Variants in SPATA21 observed in about 807,000 individuals in gnomAD.
SPATA21 encodes the protein spermatogenesis-associated protein 21.
SPATA21 carries 47 observed loss-of-function variants against 54.8 expected under a neutral mutation model. The observed-to-expected ratio is 0.86, with a 90% CI of 0.68 to 1.09. The LOEUF (loss-of-function observed/expected upper bound fraction) is 1.09. Ranked by LOEUF, SPATA21 falls within the 50% of genes least tolerant of loss-of-function variation. SPATA21 has a pLI of 0.00. For synonymous variants in SPATA21, 245 were observed against 235.3 expected (o/e 1.04, Z -0.38); for missense variants, 599 against 596.4 (o/e 1.00, Z -0.05).
intron 3 of SPATA21, chr1:16,425,426 T>A (rs1193405735): frequency 1.5e-5 from 20 of 1,317,350 alleles, no homozygotes; most frequent in Non-Finnish European, 2.0e-5. Context: ...GGACTACAGA[T>A]ACATGCACCA....
At chr1:16,420,936 C>T (rs1478368384) in intron 5 of SPATA21, among the ~76,000 whole-genome samples, 1 of 152,130 alleles carries the variant, frequency 6.6e-6, no homozygotes, top group African/African-American at 2.4e-5. Context: ...GGATGTTCTC[C>T]AACCGCATTA....
chr1:16,416,399 C>T (rs1217590839), intron 5 of SPATA21, among the ~76,000 whole-genome samples: 5 of 151,704 alleles, frequency 3.3e-5, no homozygotes, highest in Non-Finnish European at 7.4e-5. Flanking sequence ...TGGTGGGGGC[C>T]GGGCACGGTG....
intron 5 of SPATA21, among the ~76,000 whole-genome samples, chr1:16,414,664 G>A (rs2085945927): frequency 6.6e-6 from 1 of 152,010 alleles, no homozygotes; most frequent in Non-Finnish European, 1.5e-5. Context: ...GGAGGCTGAG[G>A]CAGGCAGATC....
At chr1:16,412,179 C>T (rs1040890805) in intron 5 of SPATA21, among the ~76,000 whole-genome samples, 5 of 152,160 alleles carry the variant, frequency 3.3e-5, no homozygotes, top group Non-Finnish European at 5.9e-5. Flanking sequence ...CTCAGTCCTT[C>T]CCCTGCTCTG....
At chr1:16,427,881 C>A in intron 3 of SPATA21, 1 of 1,549,208 alleles carries the variant, frequency 6.5e-7, no homozygotes, top group Non-Finnish European at 8.7e-7. Context: ...TTGCTGGAGG[C>A]CCCTGCTCCT....
rs760511600 is a variant in SPATA21 at position 16,403,837 on chromosome 1, G to A, written c.891C>T (p.Asn297=). 1.2e-5 allele frequency: 20 copies of A among 1,609,780 alleles called. No individual in the cohort carries two copies. In the East Asian group the frequency reaches 1.6e-4, roughly 13 times the overall value. The part of the protein sequence containing the change: ...TRRFFCSVEQ[N]ALSDMAPHNP... ...TGTGGGGAGCCATGTCCGACAGGGC[G>A]TTCTGTTCTGGAGACATGGGATAGT... The change falls in exon 10 of 13, where the codon AAC becomes AAT. Residue 297 remains asparagine (N), a synonymous_variant. Transcript: ENST00000335496.
At chr1:16,399,589 C>G in intron 11 of SPATA21, 68 bp from the exon 12 acceptor site, 1 of 1,527,088 alleles carries the variant, frequency 6.5e-7, no homozygotes, top group Non-Finnish European at 8.8e-7. Flanking sequence ...CAGGCAGATT[C>G]AAGTGAAATC....
At chr1:16,415,134 C>T (rs1249960809) in intron 5 of SPATA21, among the ~76,000 whole-genome samples, 2 of 151,926 alleles carry the variant, frequency 1.3e-5, no homozygotes, top group South Asian at 2.1e-4. Context: ...CTCAGGAGTT[C>T]GAGAAGAGCC....
chr1:16,409,402 G>A lies in SPATA21; in HGVS notation c.587+199C>T, dbSNP rs1336510841. 6.6e-6 allele frequency among the ~76,000 whole-genome samples: 1 copy of A among 152,172 alleles called. No individual in the cohort carries two copies. The highest frequency in any genetic ancestry group is 1.5e-5 in the Non-Finnish European group (1 of 68,034). On this transcript the variant is annotated intron_variant, in intron 6 of 12. Coordinates refer to ENST00000335496, the MANE Select transcript of SPATA21 (RefSeq NM_198546.1). The surrounding 1 kb of genome is among the most constrained non-coding windows in gnomAD (Gnocchi z 4.1). Reference sequence around the variant, plus strand: ...GAGGGGACTAGAGGGAGACCCCTTCGGGGGAGTTAGAAAAGGGGTCAGAAG... The same window carrying A: ...GAGGGGACTAGAGGGAGACCCCTTCAGGGGAGTTAGAAAAGGGGTCAGAAG...
At chr1:16,399,192 T>C (rs1339823631) in intron 12 of SPATA21, 152 bp downstream of exon 12, 1 of 908,462 alleles carries the variant, frequency 1.1e-6, no homozygotes, top group African/African-American at 1.7e-5. Flanking sequence ...CAAAGGTTTG[T>C]CTTCTTCGCC....
At chr1:16,397,812 G>T, downstream of SPATA21, 1 of 186,270 alleles carries the variant, frequency 5.4e-6, no homozygotes, top group Non-Finnish European at 1.0e-5. The surrounding 1 kb of genome is among the most constrained non-coding windows in gnomAD (Gnocchi z 5.4). Flanking sequence ...GCCCCGCCCA[G>T]CCCTGCCCTG....
At chr1:16,413,085 G>T (rs752732270) in intron 5 of SPATA21, among the ~76,000 whole-genome samples, 5 of 152,006 alleles carry the variant, frequency 3.3e-5, no homozygotes, top group Non-Finnish European at 2.9e-5. Flanking sequence ...CCCGGCCAAC[G>T]ATTTTTTTTT....
rs11260754 is a variant in SPATA21 at position 16,421,621 on chromosome 1, C to G, written c.96-64G>C. ...AGCTGAAGGTTTGCCCCCCTGCCCTCCCCTCTCAGCCCCCAGGACACTCAG... is the reference window on the plus strand; with the variant it reads ...AGCTGAAGGTTTGCCCCCCTGCCCTGCCCTCTCAGCCCCCAGGACACTCAG... On this transcript the variant is annotated intron_variant, in intron 4 of 12. Coordinates refer to ENST00000335496, the MANE Select transcript of SPATA21 (RefSeq NM_198546.1). The surrounding 1 kb of genome is among the most constrained non-coding windows in gnomAD (Gnocchi z 5.2). 16 of 1,495,742 alleles carry G rather than the reference C, an allele frequency of 1.1e-5. No homozygotes were observed. The highest frequency in any genetic ancestry group is 1.5e-5 in the Non-Finnish European group (16 of 1,097,162). The allele number at this position is 1,495,742 out of a possible 1,614,324, so 92.7% of individuals were successfully genotyped here. A position where few individuals can be genotyped will look rare whatever the true frequency, so the allele number is the denominator to read the frequency against.
chr1:16,403,916 A>G (rs1405574919), intron 9 of SPATA21, 52 bp downstream of exon 9: 1 of 1,612,142 alleles, frequency 6.2e-7, no homozygotes, highest in Non-Finnish European at 8.5e-7. Context: ...CCCGCAACCA[A>G]CCTCCCAGCC....
At chr1:16,432,114 C>CT (rs35240103) in intron 2 of SPATA21, among the ~76,000 whole-genome samples, 10,040 of 133,080 alleles carry the variant, frequency 0.075, 422 homozygotes, top group African/African-American at 0.11. Context: ...TCTTCTTCTT[C>CT]TTTTTTTTTT....
chr1:16,409,847 G>A lies in SPATA21; in HGVS notation c.341C>T (p.Pro114Leu). The change falls in exon 6 of 13, where the codon CCC (proline) becomes CTC (leucine). Residue 114 changes from proline to leucine, a missense_variant. Pro to Leu is a moderately conservative substitution (Grantham distance 98, BLOSUM62 -3). Coordinates refer to ENST00000335496, the MANE Select transcript of SPATA21 (RefSeq NM_198546.1). The surrounding 1 kb of genome is among the most constrained non-coding windows in gnomAD (Gnocchi z 4.1). The part of the protein sequence containing the change: ...KARSQTAQKS[P>L]RTLTPVPTSA... ...GGTGGGCACCGGGGTCAGGGTCCTG[G>A]GCGACTTCTGGGCTGTCTGGGACCG... is the stretch of plus-strand genomic sequence containing the variant. 6.2e-7 allele frequency: 1 copy of A among 1,604,244 alleles called. No homozygotes were observed. Among genetic ancestry groups the A allele is most frequent in the East Asian group, 2.2e-5 (1 of 44,854 alleles).
At chr1:16,403,632 T>TA in intron 10 of SPATA21, 95 bp downstream of exon 10, 1 of 1,115,314 alleles carries the variant, frequency 9.0e-7, no homozygotes, top group Non-Finnish European at 1.4e-6. Flanking sequence ...CACTTGTGAC[T>TA]AAAAGTCGTA....
downstream of SPATA21, chr1:16,396,475 CTG>C (rs2085313678): frequency 6.6e-6 from 1 of 152,252 alleles, no homozygotes; most frequent in African/African-American, 2.4e-5. Context: ...AGTTTATCCT[CTG>C]TCCCTGGAGC....
In SPATA21 at chr1:16,400,712, G is replaced by A; in HGVS notation, c.1174+8C>T. 1 of 1,610,378 alleles carries A rather than the reference G, an allele frequency of 6.2e-7. No individual in the cohort carries two copies. Among genetic ancestry groups the A allele is most frequent in the South Asian group, 1.1e-5 (1 of 90,888 alleles). ...CCTAGCCCATCCCACCCTGCCCAGG[G>A]CCCTCACCATAGTTCTGCTGCTTCA... On this transcript the variant is annotated splice_region_variant and intron_variant, in intron 11 of 12. Transcript: ENST00000335496.
Sources: gnomAD v4.1 joint callset for allele counts (sites outside exome capture counted in the v4.1 genomes callset) on GRCh38, gnomAD v4.1.1 for gene constraint, Gnocchi (gnomAD v3.1) non-coding constraint, MANE v1.5 for transcripts, NCBI Gene and HGNC (gene_info 2026-07-23, HGNC 2026-07-21) for gene names.